RAD52: variants seen among roughly 807,000 people sequenced by gnomAD.
RAD52 encodes the protein RAD52 DNA repair protein, also known as DNA repair protein RAD52 homolog.
A neutral mutation model predicts 55.5 loss-of-function variants in RAD52; 47 were observed. That is an observed-to-expected ratio of 0.85 (90% CI 0.67 to 1.08). The LOEUF (loss-of-function observed/expected upper bound fraction) is 1.08. Among genes scored for constraint, RAD52 ranks in the 50% least tolerant of loss-of-function variants. The pLI is 0.00. For synonymous variants in RAD52, 184 were observed against 198.9 expected, an observed-to-expected ratio of 0.92 and a Z score of 0.63; for missense variants, 468 against 522.8, an observed-to-expected ratio of 0.90 and a Z score of 1.02.
intron 1 of RAD52, among the ~76,000 whole-genome samples, chr12:959,027 G>A (rs1187205715): frequency 6.6e-6 from 1 of 152,070 alleles, no homozygotes; most frequent in African/African-American, 2.4e-5. Context: ...CTGTCACTCC[G>A]CCCACCAGAG....
chr12:941,039 A>G (rs1044815815), intron 1 of RAD52, among the ~76,000 whole-genome samples: 6 of 152,222 alleles, frequency 3.9e-5, no homozygotes, highest in African/African-American at 1.4e-4. Flanking sequence ...GCCGACAGAC[A>G]TAAATTTACA....
intron 3 of RAD52, 54 bp from the exon 4 acceptor site, chr12:930,198 AAAT>A (rs1957253850): frequency 7.6e-7 from 1 of 1,320,656 alleles, no homozygotes; most frequent in Middle Eastern, 2.3e-4. Flanking sequence ...TACCACACTT[AAAT>A]GTGAATCAAA....
intron 1 of RAD52, among the ~76,000 whole-genome samples, chr12:972,788 A>T (rs1288412552): frequency 1.3e-5 from 2 of 148,720 alleles, no homozygotes; most frequent in African/African-American, 2.5e-5. Context: ...AAAAAAAAAA[A>T]GGGCCGCTCT....
upstream of RAD52, among the ~76,000 whole-genome samples, chr12:953,745 G>A (rs879938402): frequency 3.9e-5 from 6 of 152,134 alleles, no homozygotes; most frequent in Non-Finnish European, 5.9e-5. Flanking sequence ...CTAATCCATC[G>A]TGCCTGCCTG....
rs1299819971 is a variant in RAD52 at position 912,601 on chromosome 12, C to A, written c.*790G>T. The A allele has an allele frequency of 1.1e-5, 2 of 180,450 alleles. No individual in the cohort carries two copies. The highest frequency in any genetic ancestry group is 4.7e-5 in the African/African-American group (2 of 42,288). The allele number at this position is 180,450 out of a possible 1,614,324, so 11.2% of individuals were successfully genotyped here. ...TTCTGGCCAGACACAGTGGCTCACACCAGTAATCCCTGTATTTTGTAAGGC... is the reference window on the plus strand; with the variant it reads ...TTCTGGCCAGACACAGTGGCTCACAACAGTAATCCCTGTATTTTGTAAGGC... On this transcript the variant is annotated 3_prime_UTR_variant, in exon 12 of 12. Transcript: ENST00000358495.
chr12:923,106 C>T (rs1956825842), intron 7 of RAD52, among the ~76,000 whole-genome samples: 2 of 152,032 alleles, frequency 1.3e-5, no homozygotes, highest in African/African-American at 4.8e-5. Context: ...GATCTAACCA[C>T]CTCGGCCTCC....
At chr12:933,826 A>G (rs1054161777) in intron 1 of RAD52, among the ~76,000 whole-genome samples, 3 of 152,288 alleles carry the variant, frequency 2.0e-5, no homozygotes, top group East Asian at 1.9e-4. Flanking sequence ...TGTTATAGTC[A>G]AAACACAGGT....
intron 1 of RAD52, among the ~76,000 whole-genome samples, chr12:987,482 CATA>C (rs1364548803): frequency 4.0e-5 from 6 of 151,868 alleles, no homozygotes; most frequent in Admixed American, 1.3e-4. Flanking sequence ...CTCTTTTTCA[CATA>C]ATATTAGTCC....
intron 5 of RAD52, among the ~76,000 whole-genome samples, chr12:927,638 G>A (rs1337323895): frequency 2.6e-5 from 4 of 152,164 alleles, no homozygotes; most frequent in Non-Finnish European, 5.9e-5. Flanking sequence ...GGTCAAGGGA[G>A]GTGGATCACT....
chr12:925,905 C>T (rs1957008027), intron 6 of RAD52, among the ~76,000 whole-genome samples: 1 of 152,068 alleles, frequency 6.6e-6, no homozygotes, highest in Non-Finnish European at 1.5e-5. Context: ...CACTTGGGGA[C>T]CGGGGGCTCA....
intron 1 of RAD52, among the ~76,000 whole-genome samples, chr12:958,184 C>T (rs554073846): frequency 2.0e-5 from 3 of 152,228 alleles, no homozygotes; most frequent in East Asian, 3.9e-4. Context: ...GTGAGCATTC[C>T]GGGAGAATGT....
At chr12:970,996 A>G (rs2043789112) in intron 1 of RAD52, among the ~76,000 whole-genome samples, 1 of 152,220 alleles carries the variant, frequency 6.6e-6, no homozygotes, top group African/African-American at 2.4e-5. Flanking sequence ...ATGTATGTAT[A>G]TAGAAGTGGA....
chr12:953,857 T>C (rs1293269273), upstream of RAD52, among the ~76,000 whole-genome samples: 1 of 152,174 alleles, frequency 6.6e-6, no homozygotes, highest in African/African-American at 2.4e-5. Flanking sequence ...TCCTACATGT[T>C]CCTTTATAAA....
At chr12:973,669 G>T (rs1565711304) in intron 1 of RAD52, among the ~76,000 whole-genome samples, 1 of 151,738 alleles carries the variant, frequency 6.6e-6, no homozygotes, top group African/African-American at 2.4e-5. Context: ...GTAGAGACAG[G>T]GGTCTCACCA....
rs1191844516 is a variant in RAD52, at chr12:912,733, AAAAAAAAAAAAAC to A, written c.*645_*657del. The A allele has an allele frequency of 0.056, 8,763 of 156,156 alleles. 325 individuals carry two copies. The highest frequency in any genetic ancestry group is 0.068 in the African/African-American group (2,736 of 40,454). The allele number at this position is 156,156 out of a possible 1,614,324, so 9.7% of individuals were successfully genotyped here. A position where few individuals can be genotyped will look rare whatever the true frequency, so the allele number is the denominator to read the frequency against. ...GCCAGACCCCGTCTCAAAAAAAAAA[AAAAAAAAAAAAAC>A]AAAAAACAGCCTTTTTTCGTGGTCT... On this transcript the variant is annotated 3_prime_UTR_variant, in exon 12 of 12. Transcript: ENST00000358495.
At chr12:915,523 G>A (rs980061706) in intron 9 of RAD52, among the ~76,000 whole-genome samples, 1 of 152,172 alleles carries the variant, frequency 6.6e-6, no homozygotes, top group Non-Finnish European at 1.5e-5. Context: ...ACTACCTACC[G>A]CTGGATGGGC....
At chr12:939,500 G>A (rs959762866) in intron 1 of RAD52, among the ~76,000 whole-genome samples, 2 of 152,082 alleles carry the variant, frequency 1.3e-5, no homozygotes, top group Admixed American at 6.6e-5. Context: ...GAAGTGTCAG[G>A]AAAGACTACC....
At chr12:954,065 T>TA (rs1565700729), upstream of RAD52, among the ~76,000 whole-genome samples, 5 of 152,312 alleles carry the variant, frequency 3.3e-5, no homozygotes, top group South Asian at 4.1e-4. Flanking sequence ...TTATCTTTTT[T>TA]AAAAAAATTA....
intron 1 of RAD52, among the ~76,000 whole-genome samples, chr12:934,963 A>G (rs558157939): frequency 6.6e-6 from 1 of 152,038 alleles, no homozygotes; most frequent in African/African-American, 2.4e-5. Context: ...AAATACAAAA[A>G]AATTAGCCGG....
Sources: gnomAD v4.1 joint callset for allele counts (sites outside exome capture counted in the v4.1 genomes callset) on GRCh38, gnomAD v4.1.1 for gene constraint, MANE v1.5 for transcripts, NCBI Gene and HGNC (gene_info 2026-07-23, HGNC 2026-07-21) for gene names.